The following GNG7 variants were observed in gnomAD, a reference collection of about 807,000 sequenced individuals.
GNG7 encodes the protein guanine nucleotide-binding protein G(I)/G(S)/G(O) subunit gamma-7.
Under a neutral mutation model 4.0 loss-of-function variants are expected in GNG7, and 1 was observed. The observed-to-expected ratio is 0.25, with a 90% CI of 0.09 to 1.18. The LOEUF (loss-of-function observed/expected upper bound fraction) is 1.18, where lower values mean the gene tolerates loss of function less well. GNG7 is among the 50% of genes most tolerant of loss of function. GNG7 has a pLI of 0.50. For missense variants in GNG7, 86 were observed against 91.9 expected (o/e 0.94, Z 0.26); for synonymous variants, 34 against 36.9 (o/e 0.92, Z 0.29).
intron 3 of GNG7, among the ~76,000 whole-genome samples, chr19:2,552,079 G>A (rs1040736877): frequency 2.3e-4 from 35 of 152,122 alleles, no homozygotes; most frequent in African/African-American, 7.7e-4. Flanking sequence ...TCATAGAAGC[G>A]TGAACCCAAT....
In GNG7 at chr19:2,567,626, G is replaced by A. The variant is rs771225518; in HGVS notation, c.-77-12438C>T. On this transcript the variant is annotated intron_variant, in intron 2 of 4. Coordinates refer to ENST00000382159, the MANE Select transcript of GNG7 (RefSeq NM_052847.3). ...CAAGCGTGAGCCGCTGCACTGGGCC[G>A]GTGTCCTCTGTCGTATCCTACTTAG... 6.6e-5 allele frequency among the ~76,000 whole-genome samples: 10 copies of A among 152,194 alleles called. No homozygotes were observed. In the South Asian group the frequency reaches 8.3e-4, roughly 13 times the overall value.
chr19:2,630,530 C>G (rs1290742466), intron 2 of GNG7, among the ~76,000 whole-genome samples: 1 of 151,580 alleles, frequency 6.6e-6, no homozygotes, highest in African/African-American at 2.4e-5. Flanking sequence ...ATGGAGAAGG[C>G]CAAGTGGCCT....
In GNG7 at chr19:2,657,337, TAAAAAAAAAAAAAA is replaced by T. The variant is rs372388972; in HGVS notation, c.-134-11071_-134-11058del. Among the ~76,000 whole-genome samples, 97 of 13,916 alleles carry T rather than the reference TAAAAAAAAAAAAAA, an allele frequency of 7.0e-3. 1 individual carries two copies. The highest frequency in any genetic ancestry group is 0.033 in the Middle Eastern group (1 of 30). The allele number at this position is 13,916 out of a possible 152,430, so 9.1% of individuals were successfully genotyped here. On this transcript the variant is annotated intron_variant, in intron 1 of 4. Transcript: ENST00000382159. ...TGACAAAGCAAGACCCCGTCTCAATTAAAAAAAAAAAAAAAAAAAAAAAAATATATATATATATA... is the reference window on the plus strand; with the variant it reads ...TGACAAAGCAAGACCCCGTCTCAATTAAAAAAAAAAATATATATATATATA...
At chr19:2,672,301 G>C (rs1011950483) in intron 1 of GNG7, among the ~76,000 whole-genome samples, 1 of 152,118 alleles carries the variant, frequency 6.6e-6, no homozygotes, top group Non-Finnish European at 1.5e-5. Flanking sequence ...GATTGCAGGC[G>C]TGAGCCACTG....
At chr19:2,696,303 A>G (rs1023869467) in intron 1 of GNG7, among the ~76,000 whole-genome samples, 2 of 126,372 alleles carry the variant, frequency 1.6e-5, no homozygotes, top group Non-Finnish European at 3.4e-5. Context: ...AGAAAGAAAG[A>G]AAGAAAGAAA....
intron 2 of GNG7, among the ~76,000 whole-genome samples, chr19:2,612,438 G>C (rs189155155): frequency 6.6e-6 from 1 of 152,106 alleles, no homozygotes. Context: ...TCTGGGACCT[G>C]GGCATTTCAT....
At chr19:2,630,681 C>T (rs1260338232) in intron 2 of GNG7, 4 of 151,852 alleles carry the variant, frequency 2.6e-5, no homozygotes, top group African/African-American at 7.2e-5. Context: ...CACAAACCTT[C>T]GGATGAGAAT....
intron 1 of GNG7, among the ~76,000 whole-genome samples, chr19:2,674,966 G>A (rs1022466673): frequency 3.3e-5 from 5 of 152,234 alleles, no homozygotes; most frequent in Middle Eastern, 3.4e-3. Flanking sequence ...AATGTATACC[G>A]TACTACTTTT....
chr19:2,685,943 G>C (rs1257740300), intron 1 of GNG7, among the ~76,000 whole-genome samples: 1 of 152,124 alleles, frequency 6.6e-6, no homozygotes, highest in African/African-American at 2.4e-5. Context: ...TCTCGCCAGA[G>C]CTCTCCTGTC....
chr19:2,541,257 G>T (rs2098083), intron 3 of GNG7, among the ~76,000 whole-genome samples: 2 of 152,148 alleles, frequency 1.3e-5, no homozygotes, highest in Non-Finnish European at 2.9e-5. Context: ...AATTGCTTGA[G>T]GCCAGGAGTT....
chr19:2,583,837 A>G lies in GNG7; in HGVS notation c.-77-28649T>C, dbSNP rs1475247363. Among the ~76,000 whole-genome samples the G allele has an allele frequency of 3.3e-5, 5 of 152,194 alleles. No individual in the cohort carries two copies. The East Asian group carries it at 7.7e-4, about 23-fold the overall frequency. On this transcript the variant is annotated intron_variant, in intron 2 of 4. Coordinates refer to ENST00000382159, the MANE Select transcript of GNG7 (RefSeq NM_052847.3). ...AGATAAAACACTTAACATTCACTAA[A>G]AAGGATGTCGCAAATCCATATTTGA...
intron 3 of GNG7, among the ~76,000 whole-genome samples, chr19:2,525,488 A>AC (rs35965236): frequency 6.6e-6 from 1 of 151,804 alleles, no homozygotes; most frequent in Non-Finnish European, 1.5e-5. Context: ...GGATGAGGGT[A>AC]CCCCCCCACT....
In GNG7 at chr19:2,546,458, T is replaced by A. The variant is rs955417584; in HGVS notation, c.-38+8691A>T. ...TGCGGGCGGGAGGGCCTCTGCCACA[T>A]GGAAGGGAGGGCCGCACTGGCTGGA... On this transcript the variant is annotated intron_variant, in intron 3 of 4. Transcript: ENST00000382159. This position sits in a 1 kb window ranked among gnomAD's most constrained non-coding sequence, Gnocchi z 6.3. Among the ~76,000 whole-genome samples the A allele has an allele frequency of 3.3e-5, 5 of 152,262 alleles. No homozygotes were observed. Among genetic ancestry groups the A allele is most frequent in the Admixed American group, 3.3e-4 (5 of 15,304 alleles).
chr19:2,614,034 C>A lies in GNG7; in HGVS notation c.-78+32190G>T, dbSNP rs1193789026. On this transcript the variant is annotated intron_variant, in intron 2 of 4. Coordinates refer to ENST00000382159, the MANE Select transcript of GNG7 (RefSeq NM_052847.3). The surrounding 1 kb of genome is among the most constrained non-coding windows in gnomAD (Gnocchi z 6.0). Reference sequence around the variant, plus strand: ...CAATGCAGAATCCACCCAGGGAACTCGGGCCCCGCGCCTACCCCCGGGGTA... The same window carrying A: ...CAATGCAGAATCCACCCAGGGAACTAGGGCCCCGCGCCTACCCCCGGGGTA... Among the ~76,000 whole-genome samples the A allele has an allele frequency of 6.6e-6, 1 of 152,206 alleles. No homozygotes were observed. Among genetic ancestry groups the A allele is most frequent in the Non-Finnish European group, 1.5e-5 (1 of 68,038 alleles).
At chr19:2,655,452 TC>T (rs1466717199) in intron 1 of GNG7, among the ~76,000 whole-genome samples, 1 of 151,078 alleles carries the variant, frequency 6.6e-6, no homozygotes, top group African/African-American at 2.4e-5. Context: ...GTGGCTCATA[TC>T]TGTCATCCCA....
At chr19:2,661,308 G>GAAAGAAAGAAAGAAAGAAAGAA (rs1983164406) in intron 1 of GNG7, among the ~76,000 whole-genome samples, 5 of 129,384 alleles carry the variant, frequency 3.9e-5, no homozygotes, top group African/African-American at 1.2e-4. Flanking sequence ...GAAAGAGAAA[G>GAAAGAAAGAAAGAAAGAAAGAA]AAAGAAAGAA....
intron 2 of GNG7, among the ~76,000 whole-genome samples, chr19:2,602,725 C>G (rs1413265890): frequency 6.6e-6 from 1 of 152,312 alleles, no homozygotes; most frequent in East Asian, 1.9e-4. Flanking sequence ...CAATCTCGGG[C>G]TGGGCAGAGG....
intron 1 of GNG7, among the ~76,000 whole-genome samples, chr19:2,675,054 G>A (rs937047521): frequency 6.6e-6 from 1 of 152,128 alleles, no homozygotes; most frequent in Non-Finnish European, 1.5e-5. Context: ...TCACACACTC[G>A]GGACTGGTAA....
At position 2,644,327 on chromosome 19, in the gene GNG7, T is replaced by TTATATA. The variant is rs56143197; in HGVS notation, c.-78+1891_-78+1896dup. ...TGAGCCACTGCACCCGGCCTACACT[T>TTATATA]TATATATATATATATATATATATAT... On this transcript the variant is annotated intron_variant, in intron 2 of 4. Coordinates refer to ENST00000382159, the MANE Select transcript of GNG7 (RefSeq NM_052847.3). 1.6e-3 allele frequency among the ~76,000 whole-genome samples: 181 copies of TTATATA among 114,226 alleles called. 1 individual carries two copies. The highest frequency in any genetic ancestry group is 2.3e-3 in the East Asian group (8 of 3,422). 74.9% of individuals were successfully genotyped at this position (114,226 alleles called of 152,430 possible). A position where few individuals can be genotyped will look rare whatever the true frequency, so the allele number is the denominator to read the frequency against.
Sources: allele counts gnomAD v4.1 joint callset (sites outside exome capture counted in the v4.1 genomes callset), GRCh38; gene constraint gnomAD v4.1.1; non-coding constraint Gnocchi (gnomAD v3.1); transcripts MANE v1.5; gene names NCBI Gene and HGNC (gene_info 2026-07-23, HGNC 2026-07-21).